BTBD9: variants seen among roughly 807,000 people sequenced by gnomAD.
BTBD9 encodes BTB domain containing 9, also known as BTB/POZ domain-containing protein 9.
BTBD9 carries 49 observed loss-of-function variants against 64.3 expected under a neutral mutation model. That is an observed-to-expected ratio of 0.76 (90% CI 0.61 to 0.97). The LOEUF is 0.97. Ranked by LOEUF, BTBD9 falls within the 50% of genes least tolerant of loss-of-function variation. BTBD9 has a pLI of 0.00. For synonymous variants in BTBD9, 260 were observed against 274.7 expected (o/e 0.95, Z 0.53); for missense variants, 598 against 762.1 (o/e 0.78, Z 2.53).
intron 6 of BTBD9, among the ~76,000 whole-genome samples, chr6:38,352,820 C>G (rs1328540112): frequency 6.6e-6 from 1 of 152,186 alleles, no homozygotes; most frequent in Non-Finnish European, 1.5e-5. Context: ...CCCGCTCTTC[C>G]CAACTCATGA....
intron 6 of BTBD9, among the ~76,000 whole-genome samples, chr6:38,555,042 G>A (rs1323631536): frequency 6.6e-6 from 1 of 152,178 alleles, no homozygotes; most frequent in African/African-American, 2.4e-5. Context: ...GTCCCCTCCA[G>A]TACCCCCAAA....
chr6:38,416,501 ATTTTTTT>A (rs70981549), intron 6 of BTBD9, among the ~76,000 whole-genome samples: 217 of 86,764 alleles, frequency 2.5e-3, no homozygotes, highest in Non-Finnish European at 4.2e-3. Flanking sequence ...TGCCCAGCTA[ATTTTTTT>A]TTTTTTTTTT....
chr6:38,330,516 G>A (rs181395970), intron 7 of BTBD9, among the ~76,000 whole-genome samples: 6 of 151,886 alleles, frequency 4.0e-5, no homozygotes, highest in Admixed American at 2.0e-4. Context: ...GCAAGACCTC[G>A]TCTCATAAAA....
intron 9 of BTBD9, among the ~76,000 whole-genome samples, chr6:38,240,398 T>C (rs1021590558): frequency 1.3e-5 from 2 of 152,346 alleles, no homozygotes; most frequent in South Asian, 2.1e-4. Flanking sequence ...GAGCCTGACC[T>C]AAAGCAGTGG....
At chr6:38,592,252 T>G (rs566373389) in intron 4 of BTBD9, among the ~76,000 whole-genome samples, 1 of 152,156 alleles carries the variant, frequency 6.6e-6, no homozygotes, top group South Asian at 2.1e-4. Context: ...ACTCAGTATT[T>G]ATTTGATGGA....
At chr6:38,518,451 T>C (rs1259841418) in intron 6 of BTBD9, among the ~76,000 whole-genome samples, 2 of 152,226 alleles carry the variant, frequency 1.3e-5, no homozygotes, top group Non-Finnish European at 2.9e-5. Context: ...AGGGAGATTC[T>C]GGGAAAGGTT....
rs6922128 is a variant in BTBD9 at position 38,353,137 on chromosome 6, C to G, written c.1155-8044G>C. On this transcript the variant is annotated intron_variant, in intron 6 of 10. Coordinates refer to ENST00000481247, the MANE Select transcript of BTBD9 (RefSeq NM_001099272.2). ...GTACAACTAGCTCTGTCTAAGAACA[C>G]GGCTATAATGTAAATGAGTCTAAGG... 2.0e-5 allele frequency among the ~76,000 whole-genome samples: 3 copies of G among 152,062 alleles called. No individual in the cohort carries two copies. The South Asian group carries it at 6.2e-4, about 32-fold the overall frequency.
intron 8 of BTBD9, among the ~76,000 whole-genome samples, chr6:38,258,060 A>C (rs932111834): frequency 6.6e-6 from 1 of 151,760 alleles, no homozygotes; most frequent in Non-Finnish European, 1.5e-5. Context: ...ATCTCGGCTC[A>C]TTGCAACCTC....
chr6:38,413,359 CTATT>C (rs1767522122), intron 6 of BTBD9, among the ~76,000 whole-genome samples: 1 of 152,170 alleles, frequency 6.6e-6, no homozygotes, highest in African/African-American at 2.4e-5. Flanking sequence ...AAAAAGTTTC[CTATT>C]TTTCAAGAGC....
intron 6 of BTBD9, among the ~76,000 whole-genome samples, chr6:38,520,631 C>T (rs1414025930): frequency 2.6e-5 from 4 of 151,968 alleles, no homozygotes; most frequent in Non-Finnish European, 5.9e-5. Context: ...AATTAATTTA[C>T]TGCCATTAAA....
At chr6:38,260,932 T>C (rs1002087199) in intron 8 of BTBD9, among the ~76,000 whole-genome samples, 1 of 152,182 alleles carries the variant, frequency 6.6e-6, no homozygotes, top group Non-Finnish European at 1.5e-5. Context: ...TTCACTGTTA[T>C]GAAAATTCTT....
At chr6:38,637,243 T>C (rs181233704) in intron 1 of BTBD9, among the ~76,000 whole-genome samples, 1 of 152,364 alleles carries the variant, frequency 6.6e-6, no homozygotes, top group Admixed American at 6.5e-5. Context: ...GAGCATATAC[T>C]GTGTCTTAAC....
intron 8 of BTBD9, among the ~76,000 whole-genome samples, chr6:38,263,878 G>A (rs541600789): frequency 6.6e-6 from 1 of 152,330 alleles, no homozygotes; most frequent in East Asian, 1.9e-4. Context: ...AAGGGCCAAA[G>A]ATAAGCTCCT....
intron 6 of BTBD9, among the ~76,000 whole-genome samples, chr6:38,480,637 T>C (rs1771096879): frequency 6.6e-6 from 1 of 152,202 alleles, no homozygotes. Flanking sequence ...AGCTCAGCTA[T>C]AGAACACGCC....
intron 6 of BTBD9, among the ~76,000 whole-genome samples, chr6:38,556,506 A>C (rs965581675): frequency 1.0e-4 from 14 of 137,756 alleles, no homozygotes; most frequent in African/African-American, 3.8e-4. Flanking sequence ...TGTCCTATAA[A>C]GTGTGTGTGT....
At chr6:38,317,356 G>A (rs1763065800) in intron 7 of BTBD9, among the ~76,000 whole-genome samples, 1 of 152,112 alleles carries the variant, frequency 6.6e-6, no homozygotes, top group East Asian at 1.9e-4. Flanking sequence ...GCACTGAAAG[G>A]TCTGCTGCCA....
intron 9 of BTBD9, among the ~76,000 whole-genome samples, chr6:38,195,752 CTTAT>C (rs1476919162): frequency 2.0e-5 from 3 of 151,928 alleles, no homozygotes; most frequent in Non-Finnish European, 4.4e-5. Context: ...AAATTTTAAA[CTTAT>C]TTACTTTTTA....
intron 6 of BTBD9, among the ~76,000 whole-genome samples, chr6:38,355,792 C>T (rs1764704777): frequency 6.6e-6 from 1 of 152,178 alleles, no homozygotes; most frequent in Admixed American, 6.5e-5. Flanking sequence ...TGTTAAACAG[C>T]CTGCACACTG....
intron 9 of BTBD9, among the ~76,000 whole-genome samples, chr6:38,222,086 T>C (rs923500422): frequency 5.9e-5 from 9 of 152,210 alleles, no homozygotes; most frequent in Admixed American, 3.9e-4. Flanking sequence ...TAATTATTCA[T>C]TGAAGTCCAG....
Sources: allele counts gnomAD v4.1 joint callset (sites outside exome capture counted in the v4.1 genomes callset), GRCh38; gene constraint gnomAD v4.1.1; transcripts MANE v1.5; gene names NCBI Gene and HGNC (gene_info 2026-07-23, HGNC 2026-07-21).